Variants in SPRED2 observed in about 807,000 individuals in gnomAD.
SPRED2 encodes the protein sprouty related EVH1 domain containing 2.
Under a neutral mutation model 43.0 loss-of-function variants are expected in SPRED2, and 47 were observed. That is an observed-to-expected ratio of 1.09 (90% CI 0.87 to 1.40). The LOEUF is 1.40. Among genes scored for constraint, SPRED2 ranks in the 40% most tolerant of loss-of-function variants. The pLI, the probability that SPRED2 is intolerant of heterozygous loss-of-function variation, is 0.00. For synonymous variants in SPRED2, 225 were observed against 225.7 expected (o/e 1.00, Z 0.03); for missense variants, 561 against 586.4 (o/e 0.96, Z 0.45).
chr2:65,338,787 C>G (rs1165979444), intron 2 of SPRED2, among the ~76,000 whole-genome samples: 8 of 151,574 alleles, frequency 5.3e-5, no homozygotes, highest in African/African-American at 1.9e-4. Flanking sequence ...AGCCCCTCTG[C>G]CTGGCTGCCC....
At chr2:65,428,577 A>G (rs1676607635) in intron 1 of SPRED2, among the ~76,000 whole-genome samples, 1 of 152,264 alleles carries the variant, frequency 6.6e-6, no homozygotes, top group African/African-American at 2.4e-5. Flanking sequence ...AACAGTCCCA[A>G]TGTCTGCAAT....
At chr2:65,415,960 G>A (rs1676263132) in intron 1 of SPRED2, among the ~76,000 whole-genome samples, 1 of 152,174 alleles carries the variant, frequency 6.6e-6, no homozygotes, top group South Asian at 2.1e-4. Flanking sequence ...ATACCACCCA[G>A]TATGACAGAT....
chr2:65,316,293 A>C (rs1021608214), intron 5 of SPRED2, among the ~76,000 whole-genome samples: 4 of 152,258 alleles, frequency 2.6e-5, no homozygotes, highest in Non-Finnish European at 2.9e-5. Context: ...AGTGTGCAGC[A>C]TTCCTTAGTC....
chr2:65,331,956 A>G (rs1278704616), intron 4 of SPRED2, 31 bp downstream of exon 4: 6 of 1,555,844 alleles, frequency 3.9e-6, no homozygotes, highest in Non-Finnish European at 5.3e-6. Context: ...TCAACAACTA[A>G]TCTGGAAAGC....
chr2:65,429,817 T>C (rs1676636959), intron 1 of SPRED2, among the ~76,000 whole-genome samples: 1 of 152,220 alleles, frequency 6.6e-6, no homozygotes, highest in Non-Finnish European at 1.5e-5. Context: ...CTCAAATATC[T>C]ATCCTCTCAA....
At chr2:65,394,205 G>C (rs1175423637) in intron 1 of SPRED2, among the ~76,000 whole-genome samples, 3 of 152,154 alleles carry the variant, frequency 2.0e-5, no homozygotes, top group Non-Finnish European at 4.4e-5. Context: ...TAGCTACTCT[G>C]CTAGAAATAG....
intron 1 of SPRED2, among the ~76,000 whole-genome samples, chr2:65,358,130 C>A (rs75972929): frequency 0.015 from 2,245 of 152,178 alleles, 26 homozygotes; most frequent in Middle Eastern, 0.044. Flanking sequence ...AACTTGAAAC[C>A]ACAAAGACCT....
In SPRED2 at chr2:65,432,099, G is replaced by C. The variant is rs1668877612; in HGVS notation, c.-112C>G. 7.7e-6 allele frequency: 11 copies of C among 1,421,986 alleles called. No individual in the cohort carries two copies. Among genetic ancestry groups the C allele is most frequent in the African/African-American group, 1.4e-5 (1 of 71,166 alleles). The allele number at this position is 1,421,986 out of a possible 1,614,324, so 88.1% of individuals were successfully genotyped here. ...CCGGAGATCGCCTGATTTGGGGAGG[G>C]GGGGCGGCTAGAGATGAAGAGGGCG... On this transcript the variant is annotated 5_prime_UTR_variant, in exon 1 of 6. Transcript: ENST00000356388.
intron 2 of SPRED2, among the ~76,000 whole-genome samples, chr2:65,340,431 A>G (rs1291019338): frequency 6.6e-6 from 1 of 152,048 alleles, no homozygotes; most frequent in Non-Finnish European, 1.5e-5. Flanking sequence ...ATTCCCACCA[A>G]ATGTTATGTG....
Position 65,322,112 on chromosome 2 carries a change from G to GC in SPRED2, c.439-5230_439-5229insG, listed in dbSNP as rs1159618489. On this transcript the variant is annotated intron_variant, in intron 4 of 5. Coordinates refer to ENST00000356388, the MANE Select transcript of SPRED2 (RefSeq NM_181784.3). Reference sequence around the variant, plus strand: ...TTTTAAACTGTGACTGCTGGTATATGAAAGTTACTGATTCTGTATGTTGAT... The same window carrying GC: ...TTTTAAACTGTGACTGCTGGTATATGCAAAGTTACTGATTCTGTATGTTGAT... Among the ~76,000 whole-genome samples the GC allele has an allele frequency of 2.6e-5, 4 of 151,796 alleles. No homozygotes were observed. In the East Asian group the frequency reaches 7.7e-4, roughly 29 times the overall value.
chr2:65,394,108 C>T (rs1452873799), intron 1 of SPRED2, among the ~76,000 whole-genome samples: 1 of 152,122 alleles, frequency 6.6e-6, no homozygotes, highest in Admixed American at 6.5e-5. Flanking sequence ...TTTCCCTGTG[C>T]CCAGTGCATC....
At chr2:65,389,488 C>G (rs532034065) in intron 1 of SPRED2, among the ~76,000 whole-genome samples, 5 of 152,276 alleles carry the variant, frequency 3.3e-5, no homozygotes, top group Admixed American at 1.3e-4. Context: ...TTTGTTTTAG[C>G]TTAAGCATCC....
intron 1 of SPRED2, among the ~76,000 whole-genome samples, chr2:65,430,898 G>T (rs975861892): frequency 1.3e-5 from 2 of 151,782 alleles, no homozygotes; most frequent in African/African-American, 4.8e-5. Context: ...GGCGGGCACA[G>T]CCACTGAGCA....
chr2:65,403,560 C>A (rs1675954861), intron 1 of SPRED2, among the ~76,000 whole-genome samples: 1 of 152,290 alleles, frequency 6.6e-6, no homozygotes, highest in African/African-American at 2.4e-5. Flanking sequence ...AGCCACTACG[C>A]CCATCTGGGA....
chr2:65,367,927 T>G (rs991963045), intron 1 of SPRED2, among the ~76,000 whole-genome samples: 2 of 152,110 alleles, frequency 1.3e-5, no homozygotes, highest in Admixed American at 6.6e-5. Context: ...TTAAACCATC[T>G]GGAGGAGGAA....
At chr2:65,341,451 G>C (rs941524324) in intron 2 of SPRED2, among the ~76,000 whole-genome samples, 1 of 152,110 alleles carries the variant, frequency 6.6e-6, no homozygotes, top group African/African-American at 2.4e-5. Flanking sequence ...ACGACTCAGC[G>C]GGGGCGGACA....
chr2:65,333,667 G>T (rs928362320), intron 3 of SPRED2, among the ~76,000 whole-genome samples: 1 of 152,132 alleles, frequency 6.6e-6, no homozygotes, highest in African/African-American at 2.4e-5. Flanking sequence ...TCAGAACTAT[G>T]ATTTGAACAC....
intron 1 of SPRED2, among the ~76,000 whole-genome samples, chr2:65,413,146 C>CT (rs1463383443): frequency 6.6e-6 from 1 of 152,184 alleles, no homozygotes; most frequent in Non-Finnish European, 1.5e-5. Flanking sequence ...AGAGGACCTT[C>CT]TTTTTTGCCT....
At chr2:65,428,201 A>G (rs925647789) in intron 1 of SPRED2, among the ~76,000 whole-genome samples, 1 of 152,206 alleles carries the variant, frequency 6.6e-6, no homozygotes, top group Non-Finnish European at 1.5e-5. Flanking sequence ...GCCCTGTACT[A>G]TAAGCTTTAC....
Sources: allele counts gnomAD v4.1 joint callset (sites outside exome capture counted in the v4.1 genomes callset), GRCh38; gene constraint gnomAD v4.1.1; transcripts MANE v1.5; gene names NCBI Gene and HGNC (gene_info 2026-07-23, HGNC 2026-07-21).